Variants in COL16A1 observed in about 807,000 individuals in gnomAD.
The protein encoded by COL16A1 is collagen alpha-1(XVI) chain.
Under a neutral mutation model 266.3 loss-of-function variants are expected in COL16A1, and 189 were observed. The observed-to-expected ratio is 0.71, with a 90% CI of 0.63 to 0.80. The LOEUF (loss-of-function observed/expected upper bound fraction) is 0.80. Among genes scored for constraint, COL16A1 ranks in the 30% least tolerant of loss-of-function variants. COL16A1 has a pLI of 0.00. For missense variants in COL16A1, 1,928 were observed against 2,122.4 expected (o/e 0.91, Z 1.80); for synonymous variants, 740 against 782.3 (o/e 0.95, Z 0.90).
intron 11 of COL16A1, among the ~76,000 whole-genome samples, chr1:31,694,849 G>C (rs1182342128): frequency 6.6e-6 from 1 of 152,192 alleles, no homozygotes; most frequent in East Asian, 1.9e-4. Flanking sequence ...GGAGAATGAA[G>C]GAAGCCTCCA....
In COL16A1 at chr1:31,691,468, AG is replaced by A; in HGVS notation, c.1346del (p.Pro449LeufsTer12). The part of the protein sequence containing the change: ...FVGPEGLAGE[P>X]GPPGLPGPPG... ...GGGGTCCAGGGAGGCCGGGGGGCCC[AG>A]GCTCTCCTGCCAGCCCCTCAGGCCC... On this transcript the variant is annotated frameshift_variant, in exon 19 of 71. Transcript: ENST00000373672. LOFTEE classifies it high-confidence loss of function. 1.2e-6 allele frequency: 2 copies of A among 1,613,270 alleles called. No homozygotes were observed. The highest frequency in any genetic ancestry group is 1.7e-6 in the Non-Finnish European group (2 of 1,179,540).
intron 69 of COL16A1, 53 bp from the exon 70 acceptor site, chr1:31,653,729 C>T: frequency 6.3e-7 from 1 of 1,582,950 alleles, no homozygotes; most frequent in Non-Finnish European, 8.6e-7. Context: ...AATGACACAG[C>T]CAGTCAGATT....
At chr1:31,660,672 G>T in intron 61 of COL16A1, 34 bp from the exon 62 acceptor site, 1 of 1,613,720 alleles carries the variant, frequency 6.2e-7, no homozygotes, top group Non-Finnish European at 8.5e-7. Context: ...AAATGACACT[G>T]AAACTGACTT....
At chr1:31,675,518 C>A (rs754014487) in intron 42 of COL16A1, among the ~76,000 whole-genome samples, 1 of 152,174 alleles carries the variant, frequency 6.6e-6, no homozygotes, top group East Asian at 1.9e-4. Flanking sequence ...AGCGACCCCC[C>A]AAACCGTCCA....
rs1185425640 is a variant in COL16A1 at position 31,661,074 on chromosome 1, C to A, written c.3817G>T (p.Gly1273Cys). ...GGATCCCTGGCCCTCACCTCTGCGCCAGGCCGGCCAGTGCTGCCAGGGGGA... is the reference window on the plus strand; with the variant it reads ...GGATCCCTGGCCCTCACCTCTGCGCAAGGCCGGCCAGTGCTGCCAGGGGGA... ...PGPPGSTGRP[G>C]AEGEPGAMGP... is the part of the protein sequence containing the mutation. Residue 1273 changes from glycine (G) to cysteine (C), a missense_variant, in exon 61 of 71, where the codon GGC becomes TGC. Around this residue, in one of 2 missense-constraint regions of COL16A1, gnomAD observed 376 missense variants for 485.2 expected, o/e 0.77. Coordinates refer to ENST00000373672, the MANE Select transcript of COL16A1 (RefSeq NM_001856.4). 7.0e-6 allele frequency: 11 copies of A among 1,564,994 alleles called. No individual in the cohort carries two copies. Among genetic ancestry groups the A allele is most frequent in the Non-Finnish European group, 7.8e-6 (9 of 1,153,810 alleles).
Position 31,693,304 on chromosome 1 carries a change from T to G in COL16A1, c.1009-150A>C, listed in dbSNP as rs964934251. On this transcript the variant is annotated intron_variant, in intron 12 of 70. Coordinates refer to ENST00000373672, the MANE Select transcript of COL16A1 (RefSeq NM_001856.4). ...TGTGAGCAGTGTCCTGCCCCACGCC[T>G]CCCCCCACCACACACAAGCATATGG... is the stretch of plus-strand genomic sequence containing the variant. The G allele has an allele frequency of 4.4e-5, 26 of 586,270 alleles. 1 individual carries two copies. The South Asian group carries it at 4.6e-4, about 10-fold the overall frequency. 36.3% of individuals were successfully genotyped at this position (586,270 alleles called of 1,614,324 possible). A position where few individuals can be genotyped will look rare whatever the true frequency, so the allele number is the denominator to read the frequency against.
At chr1:31,658,807 G>T in intron 63 of COL16A1, 107 bp downstream of exon 63, 1 of 1,338,782 alleles carries the variant, frequency 7.5e-7, no homozygotes, top group Non-Finnish European at 1.0e-6. Context: ...GGGAAGGAGG[G>T]GATGAGACAA....
chr1:31,687,602 C>G (rs1292543931), intron 26 of COL16A1, among the ~76,000 whole-genome samples: 1 of 150,706 alleles, frequency 6.6e-6, no homozygotes, highest in Non-Finnish European at 1.5e-5. Flanking sequence ...ATGGGCAGAA[C>G]TGTCAGGACT....
At chr1:31,653,749 ACAC>A in intron 69 of COL16A1, 73 bp from the exon 70 acceptor site, 1 of 313,642 alleles carries the variant, frequency 3.2e-6, no homozygotes. Context: ...TACTTGAAAC[ACAC>A]ACACACACAC....
intron 1 of COL16A1, among the ~76,000 whole-genome samples, 184 bp from the exon 2 acceptor site, chr1:31,702,411 C>T (rs1005339256): frequency 2.0e-5 from 3 of 152,108 alleles, no homozygotes; most frequent in African/African-American, 7.2e-5. Context: ...TGAGCAGAGG[C>T]GATATTCAAA....
chr1:31,694,899 G>C (rs964286470), intron 11 of COL16A1, among the ~76,000 whole-genome samples: 3 of 152,220 alleles, frequency 2.0e-5, no homozygotes, highest in African/African-American at 7.2e-5. Flanking sequence ...GCAAAGCTGC[G>C]ATCAGCAACC....
Position 31,663,080 on chromosome 1 carries a change from G to T in COL16A1, c.3556-422C>A, listed in dbSNP as rs560705686. On this transcript the variant is annotated intron_variant, in intron 56 of 70. Transcript: ENST00000373672. This position sits in a 1 kb window ranked among gnomAD's most constrained non-coding sequence, Gnocchi z 4.9. ...CCCCCATCCCAGCAGACATGGGCCC[G>T]GGCTGCACAGAGGCCTCAACAGCGC... 14 of 245,630 alleles carry T rather than the reference G, an allele frequency of 5.7e-5. No homozygotes were observed. The highest frequency in any genetic ancestry group is 3.1e-4 in the African/African-American group (14 of 44,572). The allele number at this position is 245,630 out of a possible 1,614,324, so 15.2% of individuals were successfully genotyped here. A position where few individuals can be genotyped will look rare whatever the true frequency, so the allele number is the denominator to read the frequency against.
In COL16A1 at chr1:31,684,123, G is replaced by A. The variant is rs769769618; in HGVS notation, c.2269C>T (p.Arg757Ter). The change falls in exon 32 of 71, where the codon CGA (arginine) becomes TGA (stop). Residue 757 changes from arginine to a stop codon, truncating the protein, a stop_gained. Coordinates refer to ENST00000373672, the MANE Select transcript of COL16A1 (RefSeq NM_001856.4). LOFTEE classifies it high-confidence loss of function. ...KGEQGPEGVG[R>*]PGKPGQPGLP... ...AGGCAACTCACGGGTTTACCAGGTCGGCCCACGCCTTCGGGGCCCTGCTCT... is the reference window on the plus strand; with the variant it reads ...AGGCAACTCACGGGTTTACCAGGTCAGCCCACGCCTTCGGGGCCCTGCTCT... 42 of 1,576,306 alleles carry A rather than the reference G, an allele frequency of 2.7e-5. No individual in the cohort carries two copies. The highest frequency in any genetic ancestry group is 4.0e-5 in the African/African-American group (3 of 74,308).
chr1:31,677,097 TA>T (rs1643254622), intron 42 of COL16A1, among the ~76,000 whole-genome samples: 1 of 152,154 alleles, frequency 6.6e-6, no homozygotes, highest in Non-Finnish European at 1.5e-5. Flanking sequence ...TTATTATTAT[TA>T]TTATTTTTGA....
At chr1:31,692,213 T>TAGACAACAGACC (rs1290978630) in intron 16 of COL16A1, 146 bp from the exon 17 acceptor site, 128 of 1,315,280 alleles carry the variant, frequency 9.7e-5, no homozygotes, top group Non-Finnish European at 1.3e-4. Context: ...CACGGGAGGG[T>TAGACAACAGACC]AGACAACAGA....
intron 52 of COL16A1, among the ~76,000 whole-genome samples, 184 bp downstream of exon 52, chr1:31,667,391 G>A (rs965889338): frequency 6.6e-6 from 1 of 152,172 alleles, no homozygotes; most frequent in African/African-American, 2.4e-5. Context: ...CCCCTTGGCA[G>A]CCCTGCGGGG....
At chr1:31,694,210 G>T in intron 11 of COL16A1, 40 bp from the exon 12 acceptor site, 1 of 1,553,440 alleles carries the variant, frequency 6.4e-7, no homozygotes, top group Non-Finnish European at 8.8e-7. Context: ...TTCCGGTAGA[G>T]AGAGAAAACC....
rs993078223 is a variant in COL16A1, at chr1:31,685,540, A to G, written c.2016+99T>C. 14 of 1,427,286 alleles carry G rather than the reference A, an allele frequency of 9.8e-6. No individual in the cohort carries two copies. Among genetic ancestry groups the G allele is most frequent in the Non-Finnish European group, 1.3e-5 (14 of 1,051,026 alleles). 88.4% of individuals were successfully genotyped at this position (1,427,286 alleles called of 1,614,324 possible). On this transcript the variant is annotated intron_variant, in intron 29 of 70. Coordinates refer to ENST00000373672, the MANE Select transcript of COL16A1 (RefSeq NM_001856.4). The surrounding 1 kb of genome is among the most constrained non-coding windows in gnomAD (Gnocchi z 4.0). ...CGCCACACCCTCCCCACTACCCCCA[A>G]CTGCCCAGGGAGTCAAGAGACCCAG...
rs775704098 is a variant in COL16A1, at chr1:31,693,215, G to T, written c.1009-61C>A. The T allele has an allele frequency of 3.6e-6, 4 of 1,111,920 alleles. No homozygotes were observed. In the African/African-American group the frequency reaches 4.6e-5, roughly 13 times the overall value. 68.9% of individuals were successfully genotyped at this position (1,111,920 alleles called of 1,614,324 possible). ...GGGGGCACATGGGAGCCTTGAGAAAGCTCTCCCCACTTCTGGCCCCCTCCA... is the reference window on the plus strand; with the variant it reads ...GGGGGCACATGGGAGCCTTGAGAAATCTCTCCCCACTTCTGGCCCCCTCCA... On this transcript the variant is annotated intron_variant, in intron 12 of 70. Coordinates refer to ENST00000373672, the MANE Select transcript of COL16A1 (RefSeq NM_001856.4).
Sources: gnomAD v4.1 joint callset for allele counts (sites outside exome capture counted in the v4.1 genomes callset) on GRCh38, gnomAD v4.1.1 for gene constraint, gnomAD v4.1.1 regional missense constraint, Gnocchi (gnomAD v3.1) non-coding constraint, MANE v1.5 for transcripts, NCBI Gene and HGNC (gene_info 2026-07-23, HGNC 2026-07-21) for gene names.